The following NOS1 variants were observed in gnomAD, a reference collection of about 807,000 sequenced individuals.
The protein encoded by NOS1 is nitric oxide synthase 1.
A neutral mutation model predicts 164.5 loss-of-function variants in NOS1; 51 were observed. That is an observed-to-expected ratio of 0.31 (90% confidence interval 0.25 to 0.39). NOS1 has a LOEUF of 0.39. Ranked by LOEUF, NOS1 falls within the 10% of genes least tolerant of loss-of-function variation. The pLI is 1.00. For synonymous variants in NOS1, 719 were observed against 745.8 expected (o/e 0.96, Z 0.59); for missense variants, 1,362 against 1,885.6 (o/e 0.72, Z 5.14).
intron 11 of NOS1, among the ~76,000 whole-genome samples, chr12:117,265,859 T>C (rs140351402): frequency 0.037 from 5,680 of 151,806 alleles, 172 homozygotes; most frequent in African/African-American, 0.087. Flanking sequence ...GGCGCGATCT[T>C]GGCTCACTGC....
intron 10 of NOS1, 33 bp from the exon 11 acceptor site, chr12:117,268,177 T>G: frequency 1.4e-6 from 2 of 1,426,628 alleles, no homozygotes; most frequent in Non-Finnish European, 2.0e-6. Flanking sequence ...ATATACAGGC[T>G]GGGGTATCTC....
intron 1 of NOS1, among the ~76,000 whole-genome samples, chr12:117,332,821 C>T (rs541621657): frequency 7.2e-5 from 11 of 152,082 alleles, no homozygotes; most frequent in East Asian, 1.9e-4. Context: ...GCTGAGATTA[C>T]GCCATTGCGC....
At chr12:117,302,181 T>G (rs544774366) in intron 3 of NOS1, 2 of 432,924 alleles carry the variant, frequency 4.6e-6, no homozygotes, top group South Asian at 3.3e-5. Context: ...ATAAATATAT[T>G]AGGTCCTGTT....
intron 3 of NOS1, among the ~76,000 whole-genome samples, chr12:117,306,011 C>T (rs1026411239): frequency 2.6e-5 from 4 of 151,996 alleles, no homozygotes; most frequent in Non-Finnish European, 5.9e-5. Flanking sequence ...ACACTGGTTT[C>T]GAACTCCCGA....
intron 28 of NOS1, among the ~76,000 whole-genome samples, chr12:117,217,433 G>A (rs992975440): frequency 2.0e-5 from 3 of 152,080 alleles, no homozygotes; most frequent in East Asian, 3.9e-4. Context: ...GGCCATGTGC[G>A]GTGGCTCACA....
chr12:117,244,050 T>C (rs1327390136), intron 18 of NOS1, among the ~76,000 whole-genome samples: 1 of 152,238 alleles, frequency 6.6e-6, no homozygotes, highest in East Asian at 1.9e-4. Context: ...CTAAAACTGA[T>C]GTGTGTAGAG....
intron 2 of NOS1, among the ~76,000 whole-genome samples, chr12:117,318,914 C>T (rs1874787951): frequency 6.6e-6 from 1 of 152,174 alleles, no homozygotes; most frequent in African/African-American, 2.4e-5. Context: ...TCTGCCTCCA[C>T]CTGGGCTGGA....
intron 1 of NOS1, among the ~76,000 whole-genome samples, chr12:117,350,286 C>T (rs1452469416): frequency 6.6e-6 from 1 of 152,136 alleles, no homozygotes; most frequent in Non-Finnish European, 1.5e-5. Context: ...TGCCATGGGA[C>T]GATGTGTGAC....
At chr12:117,301,942 T>C in intron 3 of NOS1, 2 of 453,856 alleles carry the variant, frequency 4.4e-6, no homozygotes, top group South Asian at 3.1e-5. Context: ...GTTGAGCATT[T>C]ATTCTGTGCC....
chr12:117,247,870 C>T (rs1052519398), intron 17 of NOS1, among the ~76,000 whole-genome samples: 5 of 150,752 alleles, frequency 3.3e-5, no homozygotes, highest in Non-Finnish European at 5.9e-5. Context: ...GGTGTGAACC[C>T]GGGAGGCGGA....
chr12:117,278,121 A>G (rs1391259016), intron 8 of NOS1, 23 bp from the exon 9 acceptor site: 7 of 1,602,874 alleles, frequency 4.4e-6, no homozygotes, highest in Non-Finnish European at 6.0e-6. Context: ...CCGGCCAGGT[A>G]ATGCCACTGT....
intron 1 of NOS1, among the ~76,000 whole-genome samples, chr12:117,353,447 A>G (rs748346455): frequency 1.7e-4 from 26 of 152,232 alleles, no homozygotes; most frequent in Non-Finnish European, 3.8e-4. Flanking sequence ...CAGCGTAGAG[A>G]CAGACTCCCA....
Position 117,243,112 on chromosome 12 carries a change from G to A in NOS1, c.2962+185C>T, listed in dbSNP as rs148810946. 2.6e-4 allele frequency among the ~76,000 whole-genome samples: 39 copies of A among 152,220 alleles called. 1 individual carries two copies. The East Asian group carries it at 7.5e-3, about 29-fold the overall frequency. On this transcript the variant is annotated intron_variant, in intron 19 of 28. Coordinates refer to ENST00000317775, the MANE Select transcript of NOS1 (RefSeq NM_000620.5). This position sits in a 1 kb window ranked among gnomAD's most constrained non-coding sequence, Gnocchi z 4.3. Reference sequence around the variant, plus strand: ...CAGTACATTACTAGAGAGAGAGAGGGAAACATTTACCAGCACTTGTTTTAC... The same window carrying A: ...CAGTACATTACTAGAGAGAGAGAGGAAAACATTTACCAGCACTTGTTTTAC...
Position 117,260,626 on chromosome 12 carries a change from G to A in NOS1, c.2223-17C>T. 1 of 1,603,254 alleles carries A rather than the reference G, an allele frequency of 6.2e-7. No homozygotes were observed. The highest frequency in any genetic ancestry group is 8.5e-7 in the Non-Finnish European group (1 of 1,171,636). On this transcript the variant is annotated splice_polypyrimidine_tract_variant and intron_variant, in intron 13 of 28. Transcript: ENST00000317775. ...TTGACAGCTCTGGAGGGAAGAGGAT[G>A]GAGATGAAAAATGGGCAACAGAAAA...
At chr12:117,283,957 A>T (rs1326653081) in intron 7 of NOS1, among the ~76,000 whole-genome samples, 1 of 151,536 alleles carries the variant, frequency 6.6e-6, no homozygotes, top group Non-Finnish European at 1.5e-5. Flanking sequence ...GGGTTCTTTA[A>T]TATTCTTTAA....
chr12:117,253,822 G>A (rs962214584), intron 16 of NOS1, 68 bp from the exon 17 acceptor site: 21 of 1,019,296 alleles, frequency 2.1e-5, no homozygotes, highest in Non-Finnish European at 2.9e-5. Flanking sequence ...CACCCTTGAT[G>A]GATCTTCAAG....
Position 117,210,747 on chromosome 12 carries a change from A to G in NOS1, c.*4562T>C. On this transcript the variant is annotated 3_prime_UTR_variant, in exon 29 of 29. Coordinates refer to ENST00000317775, the MANE Select transcript of NOS1 (RefSeq NM_000620.5). ...GCAGCTGCTGAAAGCGTGTTTGGTC[A>G]GAAGATTCTGTGTTCTTAGCCAATG... 1 of 985,362 alleles carries G rather than the reference A, an allele frequency of 1.0e-6. No homozygotes were observed. The highest frequency in any genetic ancestry group is 1.2e-6 in the Non-Finnish European group (1 of 829,966). The allele number at this position is 985,362 out of a possible 1,614,324, so 61.0% of individuals were successfully genotyped here.
chr12:117,220,407 A>G (rs1466091634), intron 26 of NOS1, 138 bp from the exon 27 acceptor site: 1 of 804,722 alleles, frequency 1.2e-6, no homozygotes. Flanking sequence ...CCCAGGGAAC[A>G]AGAGTGAGGG....
At position 117,278,099 on chromosome 12, in the gene NOS1, C is replaced by G; in HGVS notation, c.1525-1G>C. The G allele has an allele frequency of 6.2e-7, 1 of 1,611,220 alleles. No homozygotes were observed. Among genetic ancestry groups the G allele is most frequent in the Non-Finnish European group, 8.5e-7 (1 of 1,178,388 alleles). On this transcript the variant is annotated splice_acceptor_variant, in intron 8 of 28. Coordinates refer to ENST00000317775, the MANE Select transcript of NOS1 (RefSeq NM_000620.5). LOFTEE classifies it high-confidence loss of function. ...GTTTCCAGCCCTGCTGTATGCATATCTGCAAGCAGACCCGGCCAGGTAATG... is the reference window on the plus strand; with the variant it reads ...GTTTCCAGCCCTGCTGTATGCATATGTGCAAGCAGACCCGGCCAGGTAATG...
Sources: gnomAD v4.1 joint callset for allele counts (sites outside exome capture counted in the v4.1 genomes callset) on GRCh38, gnomAD v4.1.1 for gene constraint, Gnocchi (gnomAD v3.1) non-coding constraint, MANE v1.5 for transcripts, NCBI Gene and HGNC (gene_info 2026-07-23, HGNC 2026-07-21) for gene names.